The following NBPF8 variants were observed in gnomAD, a reference collection of about 807,000 sequenced individuals.
NBPF8 encodes the protein NBPF member 8.
chr1:120,427,417 TC>T (rs1384246405), intron 2 of NBPF8, among the ~76,000 whole-genome samples: 1 of 129,734 alleles, frequency 7.7e-6, no homozygotes, highest in African/African-American at 3.0e-5. Flanking sequence ...TTTTGCTACT[TC>T]CAAAGAGGCC....
chr1:120,421,512 C>G (rs1179426120), intron 1 of NBPF8, among the ~76,000 whole-genome samples: 2 of 150,590 alleles, frequency 1.3e-5, no homozygotes, highest in African/African-American at 4.9e-5. Flanking sequence ...CCCTCCCTTC[C>G]TTCCTTCCTT....
chr1:120,427,936 C>G (rs1660766203), intron 3 of NBPF8, among the ~76,000 whole-genome samples, 89 bp downstream of exon 3: 1 of 151,974 alleles, frequency 6.6e-6, no homozygotes, highest in Non-Finnish European at 1.5e-5. Flanking sequence ...TCTCTCTAAT[C>G]TAGCCCATAT....
At chr1:120,428,558 C>A (rs1660785647) in intron 3 of NBPF8, among the ~76,000 whole-genome samples, 1 of 151,964 alleles carries the variant, frequency 6.6e-6, no homozygotes, top group Non-Finnish European at 1.5e-5. Flanking sequence ...TTAATTCAGG[C>A]AGGTTTATTG....
At chr1:120,454,261 C>G in intron 15 of NBPF8, 147 bp downstream of exon 13, 1 of 1,530,034 alleles carries the variant, frequency 6.5e-7, no homozygotes, top group South Asian at 1.2e-5. Context: ...TTGTCCTTCA[C>G]AGCTAATGTC....
At chr1:120,446,255 G>A (rs1661158739) in intron 8 of NBPF8, among the ~76,000 whole-genome samples, 1 of 114,296 alleles carries the variant, frequency 8.7e-6, no homozygotes, top group South Asian at 3.1e-4. Context: ...CTTCCTTGAT[G>A]GAAGGTGGTC....
At chr1:120,454,768 G>T (rs1553249498) in intron 15 of NBPF8, among the ~76,000 whole-genome samples, 191 of 101,460 alleles carry the variant, frequency 1.9e-3, no homozygotes, top group African/African-American at 6.3e-3. Flanking sequence ...AGGCTGGAGT[G>T]CAGTGGCACC....
chr1:120,454,272 A>G (rs1661372204), intron 15 of NBPF8, among the ~76,000 whole-genome samples, 158 bp downstream of exon 13: 1 of 152,218 alleles, frequency 6.6e-6, no homozygotes, highest in Admixed American at 6.5e-5. Context: ...AGCTAATGTC[A>G]TGACTTTGTC....
intron 16 of NBPF8, among the ~76,000 whole-genome samples, chr1:120,457,050 T>G (rs1553249746): frequency 0.047 from 4,813 of 101,922 alleles, no homozygotes; most frequent in South Asian, 0.077. Context: ...ATGAAATTCT[T>G]GGTTGAAAAT....
At chr1:120,451,935 C>A (rs1486927208) in intron 12 of NBPF8, among the ~76,000 whole-genome samples, 182 bp from the exon 11 acceptor site, 89 of 151,962 alleles carry the variant, frequency 5.9e-4, no homozygotes, top group Non-Finnish European at 9.4e-4. Context: ...CTCTGTGATA[C>A]AGAGGAAGCC....
At position 120,427,812 on chromosome 1, in the gene NBPF8, C is replaced by T. The variant is rs201340836; in HGVS notation, n.475C>T. Among the ~76,000 whole-genome samples the T allele has an allele frequency of 3.0e-4, 43 of 142,496 alleles. 1 individual carries two copies. In the South Asian group the frequency reaches 8.6e-3, roughly 28 times the overall value. 93.5% of individuals were successfully genotyped at this position (142,496 alleles called of 152,430 possible). A position where few individuals can be genotyped will look rare whatever the true frequency, so the allele number is the denominator to read the frequency against. The stretch of plus-strand genomic sequence containing the variant: ...TCCAAAGTTAATGCCAAGAAGCAGC[C>T]GCCAGTTGGGATCAAATGTGAGCCT... On this transcript the variant is annotated non_coding_transcript_exon_variant, in exon 3 of 29. Coordinates refer to the NBPF8 transcript ENST00000652355.
chr1:120,461,005 C>A (rs1326385155), intron 18 of NBPF8, among the ~76,000 whole-genome samples: 1,622 of 143,598 alleles, frequency 0.011, 40 homozygotes, highest in African/African-American at 0.04. Context: ...GACCAATTCA[C>A]TGAGCTCGAA....
At chr1:120,469,633 T>G (rs1661861235), downstream of NBPF8, among the ~76,000 whole-genome samples, 1 of 152,108 alleles carries the variant, frequency 6.6e-6, no homozygotes, top group African/African-American at 2.4e-5. Context: ...CAATGTTTTC[T>G]TTAATGGTTT....
At chr1:120,415,440 T>C (rs1345111996), upstream of NBPF8, among the ~76,000 whole-genome samples, 1 of 152,096 alleles carries the variant, frequency 6.6e-6, no homozygotes, top group Non-Finnish European at 1.5e-5. Flanking sequence ...TTAAGTTCCA[T>C]GCGTTCGATT....
At chr1:120,443,175 G>A in intron 6 of NBPF8, 1 of 73,064 alleles carries the variant, frequency 1.4e-5, no homozygotes, top group South Asian at 6.0e-5. Context: ...AAACAGAAAT[G>A]GGTATTTTAA....
intron 1 of NBPF8, among the ~76,000 whole-genome samples, chr1:120,421,431 C>T (rs1222391985): frequency 1.3e-5 from 2 of 149,498 alleles, no homozygotes; most frequent in African/African-American, 2.5e-5. Flanking sequence ...TCTTTCCCTC[C>T]CTCCTTCCCT....
At chr1:120,452,290 G>T in exon 13 of NBPF8, 4 of 1,418,920 alleles carry the variant, frequency 2.8e-6, no homozygotes, top group Non-Finnish European at 4.0e-6. Flanking sequence ...CTGGCTGAGG[G>T]GTGTAGACTG....
upstream of NBPF8, among the ~76,000 whole-genome samples, chr1:120,416,781 A>G (rs1236423249): frequency 1.3e-5 from 2 of 151,986 alleles, no homozygotes; most frequent in Non-Finnish European, 1.5e-5. Flanking sequence ...ACGTTTTCCC[A>G]AAGTGGTTGT....
At chr1:120,449,927 C>T (rs1661213983) in intron 11 of NBPF8, among the ~76,000 whole-genome samples, 1 of 152,102 alleles carries the variant, frequency 6.6e-6, no homozygotes, top group Non-Finnish European at 1.5e-5. Flanking sequence ...TAAGTGACAG[C>T]ATCAAGAGCA....
At chr1:120,417,761 G>A (rs1487520265), upstream of NBPF8, among the ~76,000 whole-genome samples, 1 of 138,044 alleles carries the variant, frequency 7.2e-6, no homozygotes, top group African/African-American at 2.8e-5. Context: ...CACCATGCCT[G>A]GCTTAATTTT....
Sources: allele counts gnomAD v4.1 joint callset (sites outside exome capture counted in the v4.1 genomes callset), GRCh38; gene constraint gnomAD v4.1.1; transcripts MANE v1.5; gene names NCBI Gene and HGNC (gene_info 2026-07-23, HGNC 2026-07-21).